The following TXLNG variants were observed in gnomAD, a reference collection of about 807,000 sequenced individuals.
TXLNG encodes the protein gamma-taxilin.
In TXLNG, 5 loss-of-function variants were observed where a neutral mutation model predicts 38.8. The observed-to-expected ratio is 0.13, with a 90% confidence interval of 0.07 to 0.27. The LOEUF (loss-of-function observed/expected upper bound fraction) is 0.27, where lower values mean the gene tolerates loss of function less well. Among genes scored for constraint, TXLNG ranks in the 10% least tolerant of loss-of-function variants. The pLI is 1.00. For synonymous variants in TXLNG, 182 were observed against 158.2 expected, an observed-to-expected ratio of 1.15 and a Z score of -1.13; for missense variants, 393 against 398.2, an observed-to-expected ratio of 0.99 and a Z score of 0.11.
At position 16,832,604 on chromosome X, in the gene TXLNG, A is replaced by C. The variant is rs1183779399; in HGVS notation, c.865-19A>C. 8.3e-7 allele frequency: 1 copy of C among 1,209,157 alleles called. No homozygotes were observed. The highest frequency in any genetic ancestry group is 3.0e-5 in the East Asian group (1 of 33,755). ...CCTTTCTTTGGTGAGTGATGGAAGA[A>C]ACTCTCCTTTTCCCATAGCACATTG... is the stretch of plus-strand genomic sequence containing the variant. On this transcript the variant is annotated intron_variant, in intron 5 of 9. Coordinates refer to ENST00000380122, the MANE Select transcript of TXLNG (RefSeq NM_018360.3).
intron 3 of TXLNG, among the ~76,000 whole-genome samples, chrX:16,821,792 C>T (rs5969746): frequency 0.52 from 52,373 of 100,360 alleles, 11,264 homozygotes; most frequent in East Asian, 0.79. Context: ...AGATCGAGAC[C>T]ATCCTGGCTA....
intron 3 of TXLNG, among the ~76,000 whole-genome samples, chrX:16,824,709 G>C (rs1303046991): frequency 1.8e-5 from 2 of 108,883 alleles, no homozygotes; most frequent in African/African-American, 3.4e-5. Context: ...ACGAGGTCAG[G>C]AATTCAAGAC....
intron 8 of TXLNG, among the ~76,000 whole-genome samples, 167 bp from the exon 9 acceptor site, chrX:16,839,654 G>A (rs951854540): frequency 2.9e-4 from 32 of 111,125 alleles, no homozygotes; most frequent in East Asian, 5.7e-4. Context: ...CTCTGCTACC[G>A]ACAGGCAGGC....
At chrX:16,812,476 C>G (rs1928559309) in intron 1 of TXLNG, among the ~76,000 whole-genome samples, 1 of 105,363 alleles carries the variant, frequency 9.5e-6, no homozygotes, top group South Asian at 4.4e-4. Context: ...TCACTGCAAC[C>G]TCCGCCTCCC....
At chrX:16,821,195 C>A (rs1392293544) in intron 3 of TXLNG, among the ~76,000 whole-genome samples, 2 of 83,110 alleles carry the variant, frequency 2.4e-5, no homozygotes, top group African/African-American at 9.8e-5. Flanking sequence ...GGCTGGATTT[C>A]AGTGGTGCGA....
At chrX:16,801,438 G>A (rs1220520290) in intron 1 of TXLNG, among the ~76,000 whole-genome samples, 10 of 111,640 alleles carry the variant, frequency 9.0e-5, no homozygotes, top group African/African-American at 9.8e-5. Flanking sequence ...CGCCCGCCTC[G>A]GCCTCCCAAA....
chrX:16,830,479 A>G (rs779369675), intron 5 of TXLNG, among the ~76,000 whole-genome samples: 1 of 104,949 alleles, frequency 9.5e-6, no homozygotes, highest in Non-Finnish European at 2.0e-5. Flanking sequence ...TAGAGGGCCG[A>G]TGGACAGGGT....
At chrX:16,825,584 C>T (rs995447536) in intron 3 of TXLNG, among the ~76,000 whole-genome samples, 1 of 111,938 alleles carries the variant, frequency 8.9e-6, no homozygotes, top group Non-Finnish European at 1.9e-5. Context: ...CACTCTACCA[C>T]CCAGGCTGGA....
intron 5 of TXLNG, 115 bp from the exon 6 acceptor site, chrX:16,832,508 C>T: frequency 2.0e-6 from 2 of 977,067 alleles, no homozygotes; most frequent in Admixed American, 5.0e-5. Flanking sequence ...TTCTTAGCTG[C>T]AGTGGTAGTA....
chrX:16,797,051 A>G (rs763598299), intron 1 of TXLNG, among the ~76,000 whole-genome samples: 13 of 111,536 alleles, frequency 1.2e-4, no homozygotes, highest in African/African-American at 4.2e-4. Flanking sequence ...TGGGAGACCG[A>G]GGTGGGTGGA....
At chrX:16,811,571 C>A (rs994731935) in intron 1 of TXLNG, among the ~76,000 whole-genome samples, 7 of 108,312 alleles carry the variant, frequency 6.5e-5, no homozygotes, top group African/African-American at 2.4e-4. Flanking sequence ...TGTTCTTGAA[C>A]TCTTGACCTT....
intron 7 of TXLNG, among the ~76,000 whole-genome samples, chrX:16,835,902 T>C (rs950360087): frequency 3.6e-5 from 4 of 112,639 alleles, no homozygotes; most frequent in East Asian, 5.6e-4. Flanking sequence ...TGGCCACTTA[T>C]TGGCTACCCA....
intron 2 of TXLNG, 34 bp from the exon 3 acceptor site, chrX:16,820,130 T>C: frequency 9.1e-7 from 1 of 1,098,786 alleles, no homozygotes; most frequent in South Asian, 1.9e-5. Flanking sequence ...ATCTCATTCT[T>C]CTGGGACTTA....
intron 3 of TXLNG, 66 bp downstream of exon 3, chrX:16,820,321 G>A (rs904283901): frequency 1.2e-6 from 1 of 839,764 alleles, no homozygotes; most frequent in Non-Finnish European, 1.7e-6. Flanking sequence ...TGCTTGATAA[G>A]TTTCTTAAAG....
At chrX:16,819,475 A>G (rs1419006370) in intron 2 of TXLNG, among the ~76,000 whole-genome samples, 1 of 111,092 alleles carries the variant, frequency 9.0e-6, no homozygotes, top group Non-Finnish European at 1.9e-5. Flanking sequence ...TAAAAAAATA[A>G]AAATGGTACC....
chrX:16,818,916 A>G, intron 2 of TXLNG, 39 bp downstream of exon 2: 1 of 1,143,286 alleles, frequency 8.7e-7, no homozygotes. Flanking sequence ...TCACATGCTA[A>G]TCATTTTACT....
chrX:16,790,688 C>T (rs1233777437), intron 1 of TXLNG, among the ~76,000 whole-genome samples: 1 of 112,142 alleles, frequency 8.9e-6, no homozygotes, highest in Admixed American at 9.6e-5. Context: ...CAAAATCTTG[C>T]ATTTACATAA....
Position 16,825,487 on chromosome X carries a change from A to G in TXLNG, c.499-2607A>G, listed in dbSNP as rs148865408. Reference sequence around the variant, plus strand: ...CAGCCCAGATGCCTGTTGATGCAAGAAGATGGATTAATAAAGAGTTTTGTG... The same window carrying G: ...CAGCCCAGATGCCTGTTGATGCAAGGAGATGGATTAATAAAGAGTTTTGTG... On this transcript the variant is annotated intron_variant, in intron 3 of 9. Coordinates refer to ENST00000380122, the MANE Select transcript of TXLNG (RefSeq NM_018360.3). 5.0e-3 allele frequency among the ~76,000 whole-genome samples: 558 copies of G among 112,330 alleles called. 4 individuals carry two copies. The highest frequency in any genetic ancestry group is 0.017 in the African/African-American group (537 of 30,961).
intron 8 of TXLNG, 131 bp downstream of exon 8, chrX:16,837,816 T>A: frequency 2.3e-6 from 1 of 444,047 alleles, no homozygotes; most frequent in Non-Finnish European, 3.6e-6. Flanking sequence ...GATCCTCCAG[T>A]GGCATTTTTG....
Sources: gnomAD v4.1 joint callset for allele counts (sites outside exome capture counted in the v4.1 genomes callset) on GRCh38, gnomAD v4.1.1 for gene constraint, MANE v1.5 for transcripts, NCBI Gene and HGNC (gene_info 2026-07-23, HGNC 2026-07-21) for gene names.